CHRM3: variants seen among roughly 807,000 people sequenced by gnomAD.
The protein encoded by CHRM3 is muscarinic acetylcholine receptor M3.
In CHRM3, 11 loss-of-function variants were observed where a neutral mutation model predicts 41.8. That is an observed-to-expected ratio of 0.26 (90% CI 0.17 to 0.44). The LOEUF (loss-of-function observed/expected upper bound fraction) is 0.44. Among genes scored for constraint, CHRM3 ranks in the 20% least tolerant of loss-of-function variants. The probability of loss-of-function intolerance (pLI) is 1.00; values close to 1 mark genes in which losing one functional copy is unlikely to be tolerated. For missense variants in CHRM3, 571 were observed against 745.4 expected (o/e 0.77, Z 2.72); for synonymous variants, 297 against 301.4 (o/e 0.99, Z 0.15).
intron 1 of CHRM3, among the ~76,000 whole-genome samples, chr1:239,479,382 G>T (rs1035705858): frequency 7.9e-5 from 12 of 152,062 alleles, no homozygotes; most frequent in African/African-American, 2.9e-4. Flanking sequence ...AAAATGAAAG[G>T]CACACATCAT....
At chr1:239,479,219 C>G (rs1005967984) in intron 1 of CHRM3, among the ~76,000 whole-genome samples, 3 of 151,610 alleles carry the variant, frequency 2.0e-5, no homozygotes, top group Non-Finnish European at 2.9e-5. Context: ...CACACACACA[C>G]ACACACACAC....
intron 5 of CHRM3, among the ~76,000 whole-genome samples, chr1:239,757,598 C>A (rs1417065838): frequency 7.9e-5 from 12 of 151,226 alleles, no homozygotes; most frequent in African/African-American, 2.9e-4. Context: ...CCACTGCACG[C>A]CAGCCTGGGT....
intron 5 of CHRM3, among the ~76,000 whole-genome samples, chr1:239,788,324 A>C (rs566553110): frequency 6.6e-6 from 1 of 152,206 alleles, no homozygotes; most frequent in Non-Finnish European, 1.5e-5. Flanking sequence ...AATATTGAGA[A>C]AGCAGACAAC....
intron 1 of CHRM3, among the ~76,000 whole-genome samples, chr1:239,408,728 C>G (rs748356187): frequency 2.6e-5 from 4 of 151,762 alleles, no homozygotes; most frequent in Non-Finnish European, 4.4e-5. Flanking sequence ...CTCAGTGCAG[C>G]CTGACCGCTC....
chr1:239,473,704 A>G (rs1666285599), intron 1 of CHRM3, among the ~76,000 whole-genome samples: 1 of 152,164 alleles, frequency 6.6e-6, no homozygotes, highest in Non-Finnish European at 1.5e-5. Flanking sequence ...TGTGACACCA[A>G]CTTGGATAAA....
At chr1:239,721,963 A>G (rs541981337) in intron 5 of CHRM3, among the ~76,000 whole-genome samples, 2 of 151,972 alleles carry the variant, frequency 1.3e-5, no homozygotes, top group African/African-American at 4.8e-5. Context: ...AAAAGGGGTG[A>G]AATGTGTCCC....
At position 239,399,334 on chromosome 1, in the gene CHRM3, ATT is replaced by A. The variant is rs71567244; in HGVS notation, c.-521+12123_-521+12124del. 7.7e-3 allele frequency among the ~76,000 whole-genome samples: 1,039 copies of A among 135,100 alleles called. 11 individuals carry two copies. Among genetic ancestry groups the A allele is most frequent in the African/African-American group, 0.025 (936 of 37,104 alleles). The allele number at this position is 135,100 out of a possible 152,430, so 88.6% of individuals were successfully genotyped here. A position where few individuals can be genotyped will look rare whatever the true frequency, so the allele number is the denominator to read the frequency against. On this transcript the variant is annotated intron_variant, in intron 1 of 6. Transcript: ENST00000676153. Reference sequence around the variant, plus strand: ...CTAATTAATATATCCATGACCTCTGATTTTTTTTTTTTTTTTTGCTGTGAGAA... The same window carrying A: ...CTAATTAATATATCCATGACCTCTGATTTTTTTTTTTTTTTGCTGTGAGAA...
At chr1:239,772,574 A>T (rs116840016) in intron 5 of CHRM3, among the ~76,000 whole-genome samples, 2 of 152,126 alleles carry the variant, frequency 1.3e-5, no homozygotes, top group East Asian at 1.9e-4. Flanking sequence ...AAGGCCTTCT[A>T]TTGTTCTACG....
intron 6 of CHRM3, among the ~76,000 whole-genome samples, chr1:239,858,955 C>G (rs1478354236): frequency 6.6e-6 from 1 of 152,218 alleles, no homozygotes; most frequent in Non-Finnish European, 1.5e-5. Flanking sequence ...GCCTAATCAT[C>G]CATTGGATGC....
intron 5 of CHRM3, among the ~76,000 whole-genome samples, chr1:239,820,825 G>A (rs1002746639): frequency 6.6e-6 from 1 of 151,998 alleles, no homozygotes; most frequent in African/African-American, 2.4e-5. Flanking sequence ...TTATATGAAT[G>A]TATCAGATTA....
At chr1:239,872,442 AG>A (rs1233741682) in intron 6 of CHRM3, among the ~76,000 whole-genome samples, 6 of 152,184 alleles carry the variant, frequency 3.9e-5, no homozygotes, top group Admixed American at 2.6e-4. Flanking sequence ...TATCCTGAAA[AG>A]TAGGACTCCT....
chr1:239,446,654 T>C (rs1214753292), intron 1 of CHRM3, among the ~76,000 whole-genome samples: 1 of 152,174 alleles, frequency 6.6e-6, no homozygotes, highest in East Asian at 1.9e-4. Flanking sequence ...AACAAGAATA[T>C]AAATGGTGCA....
At chr1:239,846,894 T>C (rs1178939981) in intron 6 of CHRM3, among the ~76,000 whole-genome samples, 8 of 152,224 alleles carry the variant, frequency 5.3e-5, no homozygotes, top group Non-Finnish European at 2.9e-5. Flanking sequence ...GAGTACTCTA[T>C]ATAAATGATC....
chr1:239,820,911 T>C (rs1029249872), intron 5 of CHRM3, among the ~76,000 whole-genome samples: 5 of 152,208 alleles, frequency 3.3e-5, no homozygotes, highest in Non-Finnish European at 7.3e-5. Flanking sequence ...AGTATTTAAA[T>C]TTATATATTG....
At chr1:239,817,715 C>T (rs780538297) in intron 5 of CHRM3, among the ~76,000 whole-genome samples, 1 of 152,074 alleles carries the variant, frequency 6.6e-6, no homozygotes, top group Non-Finnish European at 1.5e-5. Context: ...CACACACTCG[C>T]ACAGATCTCT....
At chr1:239,404,416 AAG>A (rs1558195806) in intron 1 of CHRM3, among the ~76,000 whole-genome samples, 115 of 78,330 alleles carry the variant, frequency 1.5e-3, no homozygotes, top group African/African-American at 2.2e-3. Context: ...AAGAAAAAGA[AAG>A]AAAGAAAGAA....
At chr1:239,829,155 G>C (rs765618573) in intron 6 of CHRM3, among the ~76,000 whole-genome samples, 7 of 152,208 alleles carry the variant, frequency 4.6e-5, no homozygotes, top group Non-Finnish European at 8.8e-5. Flanking sequence ...CTGTGGCGAA[G>C]TGGATTGTTT....
chr1:239,409,333 A>G (rs1159604933), intron 1 of CHRM3, among the ~76,000 whole-genome samples: 1 of 152,190 alleles, frequency 6.6e-6, no homozygotes, highest in Non-Finnish European at 1.5e-5. Context: ...TGAGAAGATC[A>G]ATATCCCTAA....
chr1:239,407,932 C>G (rs1660738481), intron 1 of CHRM3, among the ~76,000 whole-genome samples: 1 of 152,056 alleles, frequency 6.6e-6, no homozygotes, highest in African/African-American at 2.4e-5. Context: ...TAAAGCATAC[C>G]TTAGGAAATC....
Sources: gnomAD v4.1 joint callset for allele counts (sites outside exome capture counted in the v4.1 genomes callset) on GRCh38, gnomAD v4.1.1 for gene constraint, MANE v1.5 for transcripts, NCBI Gene and HGNC (gene_info 2026-07-23, HGNC 2026-07-21) for gene names.